CLSTN2: variants seen among roughly 807,000 people sequenced by gnomAD.
CLSTN2 encodes the protein calsyntenin-2.
CLSTN2 carries 48 observed loss-of-function variants against 101.2 expected under a neutral mutation model. That is an observed-to-expected ratio of 0.47 (90% CI 0.38 to 0.60). The LOEUF (loss-of-function observed/expected upper bound fraction) is 0.60, where lower values mean the gene tolerates loss of function less well. Among genes scored for constraint, CLSTN2 ranks in the 20% least tolerant of loss-of-function variants. The pLI is 0.00. For synonymous variants in CLSTN2, 481 were observed against 463.6 expected, an observed-to-expected ratio of 1.04 and a Z score of -0.48; for missense variants, 1,160 against 1,238.2, an observed-to-expected ratio of 0.94 and a Z score of 0.95.
chr3:140,022,209 G>C (rs2007333158), intron 1 of CLSTN2, among the ~76,000 whole-genome samples: 1 of 152,200 alleles, frequency 6.6e-6, no homozygotes, highest in African/African-American at 2.4e-5. Flanking sequence ...CTCTCTGCAT[G>C]GTCCCTCCCT....
intron 2 of CLSTN2, among the ~76,000 whole-genome samples, chr3:140,394,408 C>T (rs543376432): frequency 1.3e-5 from 2 of 152,302 alleles, no homozygotes; most frequent in East Asian, 1.9e-4. Context: ...AAGAAAGGGA[C>T]ATGACAGTGT....
chr3:140,031,139 A>G (rs1358955648), intron 1 of CLSTN2, among the ~76,000 whole-genome samples: 1 of 152,188 alleles, frequency 6.6e-6, no homozygotes, highest in Non-Finnish European at 1.5e-5. Flanking sequence ...ATCCAATTAG[A>G]AAACTGGCAG....
intron 1 of CLSTN2, among the ~76,000 whole-genome samples, chr3:140,083,403 A>C (rs908282096): frequency 3.9e-5 from 6 of 152,238 alleles, no homozygotes; most frequent in Admixed American, 3.9e-4. Flanking sequence ...GCTGGAAAGA[A>C]AACCTTAAAT....
At chr3:140,358,259 G>T (rs1480709531) in intron 2 of CLSTN2, among the ~76,000 whole-genome samples, 1 of 152,114 alleles carries the variant, frequency 6.6e-6, no homozygotes, top group Admixed American at 6.5e-5. Context: ...CTGGCTTTAG[G>T]AAGCATTTAA....
chr3:140,092,411 C>G (rs1312886755), intron 1 of CLSTN2, among the ~76,000 whole-genome samples: 1 of 152,196 alleles, frequency 6.6e-6, no homozygotes, highest in Non-Finnish European at 1.5e-5. Flanking sequence ...CTAAATTGTA[C>G]TCAGTATTGA....
At chr3:140,503,714 T>G (rs1186038843) in intron 8 of CLSTN2, among the ~76,000 whole-genome samples, 2 of 152,234 alleles carry the variant, frequency 1.3e-5, no homozygotes, top group African/African-American at 4.8e-5. Flanking sequence ...AAATTCAACT[T>G]TTTAAGAAAA....
chr3:140,223,601 T>A (rs1384054141), intron 2 of CLSTN2, among the ~76,000 whole-genome samples: 3 of 152,214 alleles, frequency 2.0e-5, no homozygotes, highest in Non-Finnish European at 4.4e-5. Flanking sequence ...TTGTTTCCTT[T>A]CTTCTGCAAT....
chr3:140,084,306 T>C (rs771947058), intron 1 of CLSTN2, among the ~76,000 whole-genome samples: 21 of 152,102 alleles, frequency 1.4e-4, no homozygotes, highest in Non-Finnish European at 2.6e-4. Flanking sequence ...CTATATGAAA[T>C]AAGTATAGCC....
chr3:140,163,418 CTACA>C (rs763503092), intron 1 of CLSTN2, among the ~76,000 whole-genome samples: 1 of 130,400 alleles, frequency 7.7e-6, no homozygotes, highest in Non-Finnish European at 1.5e-5. Flanking sequence ...TTTTCTATCT[CTACA>C]CACACACACA....
chr3:140,474,920 C>A (rs998290081), intron 8 of CLSTN2, among the ~76,000 whole-genome samples: 1 of 152,176 alleles, frequency 6.6e-6, no homozygotes, highest in Non-Finnish European at 1.5e-5. Context: ...CTGGGCAGCA[C>A]CCTGCACTTT....
At chr3:139,965,995 A>G (rs1935592015) in intron 1 of CLSTN2, among the ~76,000 whole-genome samples, 1 of 152,200 alleles carries the variant, frequency 6.6e-6, no homozygotes, top group Admixed American at 6.5e-5. Flanking sequence ...TTTTGACGCT[A>G]GCCAATGGAA....
chr3:140,071,876 C>T (rs970456061), intron 1 of CLSTN2, among the ~76,000 whole-genome samples: 6 of 140,716 alleles, frequency 4.3e-5, no homozygotes, highest in African/African-American at 1.5e-4. Context: ...AGAAAAACAC[C>T]AAACATGAAA....
intron 1 of CLSTN2, among the ~76,000 whole-genome samples, chr3:139,946,255 A>G (rs1297214993): frequency 6.6e-6 from 1 of 152,166 alleles, no homozygotes; most frequent in East Asian, 1.9e-4. Context: ...CTGCCAAGAA[A>G]CCCTTAACAT....
intron 1 of CLSTN2, among the ~76,000 whole-genome samples, chr3:140,112,371 T>G (rs942260968): frequency 2.3e-4 from 35 of 152,046 alleles, no homozygotes; most frequent in Non-Finnish European, 4.6e-4. Context: ...GTGTGTGTGT[T>G]TTTTACTACA....
chr3:140,171,774 TGTATTATATA>T (rs2010232411), intron 1 of CLSTN2, among the ~76,000 whole-genome samples: 6 of 94,954 alleles, frequency 6.3e-5, no homozygotes, highest in Non-Finnish European at 1.2e-4. Context: ...ATATATAATA[TGTATTATATA>T]ATATATAATA....
At chr3:140,400,662 G>A (rs1358403932) in intron 2 of CLSTN2, among the ~76,000 whole-genome samples, 1 of 152,040 alleles carries the variant, frequency 6.6e-6, no homozygotes, top group East Asian at 1.9e-4. Flanking sequence ...TCACACTACC[G>A]CATTCCAGCC....
intron 1 of CLSTN2, among the ~76,000 whole-genome samples, chr3:139,997,565 G>A (rs976633926): frequency 6.6e-6 from 1 of 152,038 alleles, no homozygotes; most frequent in Admixed American, 6.5e-5. Flanking sequence ...TTCTAGTCCT[G>A]TTAGTAAGAC....
chr3:140,302,392 G>A (rs559312522), intron 2 of CLSTN2, among the ~76,000 whole-genome samples: 24 of 152,276 alleles, frequency 1.6e-4, no homozygotes, highest in African/African-American at 5.8e-4. Flanking sequence ...AGAGAAAATG[G>A]TGAATAACTG....
intron 5 of CLSTN2, among the ~76,000 whole-genome samples, chr3:140,434,250 C>T (rs78382802): frequency 6.6e-6 from 1 of 152,130 alleles, no homozygotes; most frequent in Non-Finnish European, 1.5e-5. Flanking sequence ...ACGAGCTGGC[C>T]GAGGTTGGCC....
Sources: gnomAD v4.1 joint callset for allele counts (sites outside exome capture counted in the v4.1 genomes callset) on GRCh38, gnomAD v4.1.1 for gene constraint, MANE v1.5 for transcripts, NCBI Gene and HGNC (gene_info 2026-07-23, HGNC 2026-07-21) for gene names.